DPYD: variants seen among roughly 807,000 people sequenced by gnomAD.
The protein encoded by DPYD is dihydropyrimidine dehydrogenase [NADP(+)].
In DPYD, 109 loss-of-function variants were observed where a neutral mutation model predicts 116.2. The ratio of observed to expected loss-of-function variants is 0.94; its 90% CI spans 0.80 to 1.10. DPYD has a LOEUF of 1.10. DPYD is among the 50% of genes least tolerant of loss of function. The pLI is 0.00. For synonymous variants in DPYD, 440 were observed against 432.0 expected (o/e 1.02, Z -0.23); for missense variants, 1,302 against 1,254.5 (o/e 1.04, Z -0.57).
chr1:97,721,330 C>T (rs1662911824), intron 5 of DPYD, among the ~76,000 whole-genome samples, 180 bp downstream of exon 5: 1 of 151,702 alleles, frequency 6.6e-6, no homozygotes, highest in Non-Finnish European at 1.5e-5. Flanking sequence ...TGGTTTTATA[C>T]ACTTCCTTTT....
intron 12 of DPYD, among the ~76,000 whole-genome samples, chr1:97,535,639 G>T (rs529529985): frequency 5.3e-5 from 8 of 152,192 alleles, no homozygotes; most frequent in African/African-American, 1.9e-4. Flanking sequence ...GTCAAACACT[G>T]CCATTTAATA....
chr1:97,236,683 G>C (rs1661953152), intron 18 of DPYD, among the ~76,000 whole-genome samples: 2 of 152,122 alleles, frequency 1.3e-5, no homozygotes, highest in Non-Finnish European at 2.9e-5. Flanking sequence ...CTTAGAGAAT[G>C]TATCTGTTAC....
rs151326562 is a variant in DPYD at position 97,574,192 on chromosome 1, C to T, written c.1129-222G>A. ...TTGTAATGTGGACGTTTATAGATCA[C>T]GGCATCATAAGGTATTTCTCAAGTT... On this transcript the variant is annotated intron_variant, in intron 10 of 22. Transcript: ENST00000370192. 1.3e-4 allele frequency among the ~76,000 whole-genome samples: 20 copies of T among 152,162 alleles called. No homozygotes were observed. In the East Asian group the frequency reaches 3.1e-3, roughly 24 times the overall value.
At chr1:97,162,279 T>C (rs986952892) in intron 20 of DPYD, among the ~76,000 whole-genome samples, 2 of 152,182 alleles carry the variant, frequency 1.3e-5, no homozygotes, top group Admixed American at 6.6e-5. Context: ...TGGTGTGAGA[T>C]GGTATCTCAT....
chr1:97,110,571 G>A (rs1651516808), intron 20 of DPYD, among the ~76,000 whole-genome samples: 1 of 152,090 alleles, frequency 6.6e-6, no homozygotes, highest in South Asian at 2.1e-4. Flanking sequence ...AAACAAATAT[G>A]CTAAGCATAA....
At chr1:97,243,651 G>T (rs1286940850) in intron 18 of DPYD, among the ~76,000 whole-genome samples, 1 of 151,630 alleles carries the variant, frequency 6.6e-6, no homozygotes, top group Non-Finnish European at 1.5e-5. Flanking sequence ...ATATTATCCA[G>T]GTATGATAAA....
intron 8 of DPYD, among the ~76,000 whole-genome samples, chr1:97,621,164 T>C (rs1275991704): frequency 6.6e-6 from 1 of 152,156 alleles, no homozygotes; most frequent in Non-Finnish European, 1.5e-5. Flanking sequence ...TTATTCTAGG[T>C]CCTTTCAGTA....
At chr1:97,480,837 G>A (rs1374739289) in intron 13 of DPYD, among the ~76,000 whole-genome samples, 2 of 152,034 alleles carry the variant, frequency 1.3e-5, no homozygotes, top group East Asian at 1.9e-4. Context: ...AAAATTAGCC[G>A]AGCATGGTGG....
At chr1:97,727,168 T>C (rs1663312586) in intron 4 of DPYD, among the ~76,000 whole-genome samples, 1 of 151,706 alleles carries the variant, frequency 6.6e-6, no homozygotes, top group Non-Finnish European at 1.5e-5. Context: ...TCATTTCAGG[T>C]TAAGGTGTCC....
chr1:97,179,401 C>T (rs1296833934), intron 20 of DPYD, among the ~76,000 whole-genome samples: 1 of 152,096 alleles, frequency 6.6e-6, no homozygotes, highest in Non-Finnish European at 1.5e-5. Context: ...CATTCTTCAG[C>T]TCAGCTGGGC....
intron 20 of DPYD, among the ~76,000 whole-genome samples, chr1:97,128,172 C>T (rs968852184): frequency 7.9e-5 from 12 of 152,016 alleles, no homozygotes; most frequent in Non-Finnish European, 1.3e-4. Context: ...CAGAAAAATC[C>T]CAAGGAATTG....
At chr1:97,108,191 C>T (rs895106293) in intron 20 of DPYD, among the ~76,000 whole-genome samples, 3 of 152,026 alleles carry the variant, frequency 2.0e-5, no homozygotes, top group African/African-American at 7.2e-5. Flanking sequence ...GGTAATGTGG[C>T]ATATTGGAAA....
At chr1:97,599,753 G>C (rs549623184) in intron 8 of DPYD, among the ~76,000 whole-genome samples, 2 of 148,788 alleles carry the variant, frequency 1.3e-5, no homozygotes, top group African/African-American at 4.9e-5. Context: ...GCCAGTCACG[G>C]TGGCTCCTGC....
At chr1:97,431,138 A>G (rs1285766533) in intron 14 of DPYD, among the ~76,000 whole-genome samples, 1 of 152,190 alleles carries the variant, frequency 6.6e-6, no homozygotes, top group Non-Finnish European at 1.5e-5. Context: ...TGAGAAAACA[A>G]AGAAAAAAGA....
intron 1 of DPYD, among the ~76,000 whole-genome samples, chr1:97,902,751 T>A (rs1345720050): frequency 6.6e-6 from 1 of 151,860 alleles, no homozygotes; most frequent in Admixed American, 6.6e-5. Flanking sequence ...TTCTTTATTA[T>A]TTTAGACACA....
At chr1:97,249,902 A>G (rs1466300478) in intron 18 of DPYD, among the ~76,000 whole-genome samples, 1 of 152,204 alleles carries the variant, frequency 6.6e-6, no homozygotes, top group Non-Finnish European at 1.5e-5. Flanking sequence ...TAAAAATCCA[A>G]AAGACTGATA....
intron 7 of DPYD, among the ~76,000 whole-genome samples, chr1:97,681,014 AT>A (rs1660401432): frequency 1.3e-5 from 2 of 152,158 alleles, no homozygotes; most frequent in Admixed American, 1.3e-4. Context: ...AGAGCAATGT[AT>A]ACCCATGAAC....
chr1:97,182,076 C>A (rs1241719312), intron 20 of DPYD, among the ~76,000 whole-genome samples: 1 of 152,106 alleles, frequency 6.6e-6, no homozygotes, highest in African/African-American at 2.4e-5. Flanking sequence ...GGGTTTCAAG[C>A]ACTCTCTCTT....
At chr1:97,626,238 G>A (rs1656921161) in intron 8 of DPYD, among the ~76,000 whole-genome samples, 2 of 151,814 alleles carry the variant, frequency 1.3e-5, no homozygotes, top group Admixed American at 6.6e-5. Flanking sequence ...AAATCAATGG[G>A]AAAAAAATGT....
Sources: allele counts gnomAD v4.1 joint callset (sites outside exome capture counted in the v4.1 genomes callset), GRCh38; gene constraint gnomAD v4.1.1; transcripts MANE v1.5; gene names NCBI Gene and HGNC (gene_info 2026-07-23, HGNC 2026-07-21).